DOK7: variants seen among roughly 807,000 people sequenced by gnomAD.
The protein encoded by DOK7 is protein Dok-7.
DOK7 carries 32 observed loss-of-function variants against 30.7 expected under a neutral mutation model. The ratio of observed to expected loss-of-function variants is 1.04; its 90% CI spans 0.79 to 1.40. The LOEUF (loss-of-function observed/expected upper bound fraction) is 1.40, where lower values mean the gene tolerates loss of function less well. Among genes scored for constraint, DOK7 ranks in the 40% most tolerant of loss-of-function variants. The probability of loss-of-function intolerance (pLI) is 0.00; values close to 1 mark genes in which losing one functional copy is unlikely to be tolerated. For synonymous variants in DOK7, 447 were observed against 324.1 expected (o/e 1.38, Z -4.07); for missense variants, 1,007 against 699.2 (o/e 1.44, Z -4.97).
rs1203041699 is a variant in DOK7 at position 3,494,481 on chromosome 4, T to C, written c.*980T>C. ...GACTGGAAATAAAATGTTCTTTCCT[T>C]ACCACCTTGTCCTAGTCCGTTGCCC... is the stretch of plus-strand genomic sequence containing the variant. On this transcript the variant is annotated 3_prime_UTR_variant, in exon 7 of 7. Transcript: ENST00000340083. 7.1e-6 allele frequency: 7 copies of C among 985,512 alleles called. No homozygotes were observed. Among genetic ancestry groups the C allele is most frequent in the Non-Finnish European group, 8.4e-6 (7 of 829,916 alleles). The allele number at this position is 985,512 out of a possible 1,614,324, so 61.0% of individuals were successfully genotyped here. A position where few individuals can be genotyped will look rare whatever the true frequency, so the allele number is the denominator to read the frequency against.
At chr4:3,491,159 T>TC (rs1481033286) in intron 6 of DOK7, among the ~76,000 whole-genome samples, 1 of 96,580 alleles carries the variant, frequency 1.0e-5, no homozygotes, top group South Asian at 5.2e-4. Flanking sequence ...CTTCCTTCCT[T>TC]CTTCCTCCTG....
intron 4 of DOK7, among the ~76,000 whole-genome samples, chr4:3,478,524 GC>G (rs1727253163): frequency 1.9e-5 from 2 of 107,286 alleles, no homozygotes; most frequent in Admixed American, 9.5e-5. Context: ...CTGAAAACCT[GC>G]AAACCGGGCT....
At chr4:3,473,693 C>T in intron 3 of DOK7, 57 bp downstream of exon 3, 1 of 1,473,014 alleles carries the variant, frequency 6.8e-7, no homozygotes, top group South Asian at 1.3e-5. Flanking sequence ...TGCCGGGGCC[C>T]CTCACCAACG....
At chr4:3,484,570 C>T (rs1727639845) in intron 4 of DOK7, 5 of 985,480 alleles carry the variant, frequency 5.1e-6, no homozygotes, top group Non-Finnish European at 6.0e-6. Flanking sequence ...GGGCTTCATT[C>T]ACCCCTGGCC....
chr4:3,473,730 A>G (rs1726910653), intron 3 of DOK7, 94 bp downstream of exon 3: 3 of 1,216,386 alleles, frequency 2.5e-6, no homozygotes, highest in Non-Finnish European at 2.3e-6. Context: ...GAGCGGCTCC[A>G]GGGAACCGTG....
At chr4:3,485,790 G>C in intron 5 of DOK7, 132 bp downstream of exon 5, 1 of 1,316,948 alleles carries the variant, frequency 7.6e-7, no homozygotes, top group South Asian at 2.0e-5. Context: ...TAAGGAACCA[G>C]AACCTTTCCA....
intron 4 of DOK7, among the ~76,000 whole-genome samples, chr4:3,480,010 G>A (rs1173463685): frequency 6.6e-6 from 1 of 152,266 alleles, no homozygotes; most frequent in African/African-American, 2.4e-5. Context: ...GGGATGGACT[G>A]TGCGTGGTGG....
downstream of DOK7, among the ~76,000 whole-genome samples, chr4:3,497,984 G>A (rs759006938): frequency 6.6e-6 from 1 of 152,196 alleles, no homozygotes; most frequent in Admixed American, 6.5e-5. Context: ...ACAGGTGTGG[G>A]GATCAAGGGG....
chr4:3,500,879 C>T, exon 8 of DOK7: 1 of 1,473,280 alleles, frequency 6.8e-7, no homozygotes, highest in Non-Finnish European at 9.0e-7. Context: ...GGCCCCGTGG[C>T]CCCCGGCAGG....
chr4:3,500,589 C>T, intron 7 of DOK7: 1 of 1,520,678 alleles, frequency 6.6e-7, no homozygotes, highest in East Asian at 2.5e-5. Context: ...TGTCCCCACT[C>T]AGATGCTTCC....
chr4:3,481,089 T>C (rs903815622), intron 4 of DOK7, among the ~76,000 whole-genome samples: 4 of 151,270 alleles, frequency 2.6e-5, no homozygotes, highest in African/African-American at 4.9e-5. Context: ...AGGAGCCCTG[T>C]TGGGGGGGAT....
At chr4:3,498,635 C>G (rs150585332), downstream of DOK7, among the ~76,000 whole-genome samples, 1,289 of 152,284 alleles carry the variant, frequency 8.5e-3, 22 homozygotes, top group African/African-American at 0.029. Context: ...CCACCACCCC[C>G]TCTTGGCCTA....
intron 6 of DOK7, among the ~76,000 whole-genome samples, chr4:3,490,807 CCGCT>C (rs1728314268): frequency 1.4e-5 from 1 of 73,354 alleles, no homozygotes; most frequent in African/African-American, 6.3e-5. Flanking sequence ...CTCTGCCCCC[CCGCT>C]CATTCATTCC....
chr4:3,498,789 C>A (rs1171518110), downstream of DOK7, among the ~76,000 whole-genome samples: 1 of 152,238 alleles, frequency 6.6e-6, no homozygotes, highest in Admixed American at 6.5e-5. Context: ...TCCGAGGGGA[C>A]CAGCCCTCTA....
Position 3,493,265 on chromosome 4 carries a change from G to A in DOK7, c.1279G>A (p.Gly427Ser), listed in dbSNP as rs377555406. The change falls in exon 7 of 7, where the codon GGC becomes AGC. Residue 427 changes from glycine (G) to serine (S), a missense_variant. Transcript: ENST00000340083. ...DHSPPSQGSP[G>S]NSAARDSGGQ... Reference sequence around the variant, plus strand: ...CAGCCCCCCCTCACAGGGCAGCCCCGGCAACAGTGCGGCCAGGGACTCAGG... The same window carrying A: ...CAGCCCCCCCTCACAGGGCAGCCCCAGCAACAGTGCGGCCAGGGACTCAGG... 120 of 1,611,516 alleles carry A rather than the reference G, an allele frequency of 7.4e-5. No individual in the cohort carries two copies. Among genetic ancestry groups the A allele is most frequent in the African/African-American group, 5.1e-4 (38 of 75,042 alleles).
intron 4 of DOK7, chr4:3,484,580 C>T (rs779983379): frequency 8.1e-6 from 8 of 985,220 alleles, no homozygotes; most frequent in East Asian, 1.1e-4. Flanking sequence ...CACCCCTGGC[C>T]GGGAGGGCAG....
intron 2 of DOK7, among the ~76,000 whole-genome samples, chr4:3,472,575 C>T (rs542030905): frequency 2.6e-5 from 4 of 152,238 alleles, no homozygotes; most frequent in East Asian, 1.9e-4. Flanking sequence ...CTGCTGCCCC[C>T]GCCATTCACA....
In DOK7 at chr4:3,485,621, C is replaced by T. The variant is rs553239093; in HGVS notation, c.615C>T (p.Pro205=). 2.4e-5 allele frequency: 39 copies of T among 1,606,144 alleles called. No homozygotes were observed. In the Middle Eastern group the frequency reaches 1.5e-3, roughly 61 times the overall value. The change falls in exon 5 of 7, where the codon CCC becomes CCT. Residue 205 remains proline (P), a synonymous_variant. Transcript: ENST00000340083. ...ACTGCATCGTCCGAGGCATCTCCCCCACCAAGGGCCCCTTTGGGCTGCGGC... is the reference window on the plus strand; with the variant it reads ...ACTGCATCGTCCGAGGCATCTCCCCTACCAAGGGCCCCTTTGGGCTGCGGC... The part of the protein sequence containing the change: ...LFDCIVRGIS[P]TKGPFGLRPV...
At chr4:3,484,902 A>G in intron 4 of DOK7, 1 of 984,242 alleles carries the variant, frequency 1.0e-6, no homozygotes, top group African/African-American at 1.7e-5. Flanking sequence ...GCCCGGGGGA[A>G]GGAAGTGTGG....
Sources: gnomAD v4.1 joint callset for allele counts (sites outside exome capture counted in the v4.1 genomes callset) on GRCh38, gnomAD v4.1.1 for gene constraint, MANE v1.5 for transcripts, NCBI Gene and HGNC (gene_info 2026-07-23, HGNC 2026-07-21) for gene names.